The following ZNF804B variants were observed in gnomAD, a reference collection of about 807,000 sequenced individuals.
ZNF804B encodes zinc finger 804B.
ZNF804B carries 80 observed loss-of-function variants against 101.4 expected under a neutral mutation model. The observed-to-expected ratio is 0.79, with a 90% CI of 0.66 to 0.95. ZNF804B has a LOEUF of 0.95. Among genes scored for constraint, ZNF804B ranks in the 40% least tolerant of loss-of-function variants. The pLI, the probability that ZNF804B is intolerant of heterozygous loss-of-function variation, is 0.00. For synonymous variants in ZNF804B, 622 were observed against 558.8 expected, an observed-to-expected ratio of 1.11 and a Z score of -1.59; for missense variants, 1,673 against 1,561.9, an observed-to-expected ratio of 1.07 and a Z score of -1.20.
intron 1 of ZNF804B, among the ~76,000 whole-genome samples, chr7:88,836,499 A>C (rs1791217343): frequency 6.6e-6 from 1 of 152,052 alleles, no homozygotes; most frequent in Admixed American, 6.6e-5. Context: ...ATTCAGATAG[A>C]GTTCTATTTT....
chr7:88,840,399 G>A (rs758505778), intron 1 of ZNF804B, among the ~76,000 whole-genome samples: 1 of 152,070 alleles, frequency 6.6e-6, no homozygotes, highest in African/African-American at 2.4e-5. Context: ...ACTTCTTTTG[G>A]AAGAGTAACA....
chr7:89,175,813 T>G (rs1352006386), intron 1 of ZNF804B, among the ~76,000 whole-genome samples: 1 of 152,062 alleles, frequency 6.6e-6, no homozygotes, highest in Admixed American at 6.6e-5. Flanking sequence ...CCTAGGTATT[T>G]TATTTTGTTT....
chr7:89,163,431 G>A (rs999625918), intron 1 of ZNF804B, among the ~76,000 whole-genome samples: 5 of 151,962 alleles, frequency 3.3e-5, no homozygotes, highest in Non-Finnish European at 7.4e-5. Context: ...GAAGTAAAGG[G>A]CTTAATTTAT....
At chr7:88,826,958 G>T (rs1036489804) in intron 1 of ZNF804B, among the ~76,000 whole-genome samples, 1 of 152,042 alleles carries the variant, frequency 6.6e-6, no homozygotes, top group African/African-American at 2.4e-5. Flanking sequence ...TAAAACAGTT[G>T]TCCCCATTAT....
At chr7:88,930,609 T>C (rs1311389695) in intron 1 of ZNF804B, among the ~76,000 whole-genome samples, 1 of 151,952 alleles carries the variant, frequency 6.6e-6, no homozygotes, top group African/African-American at 2.4e-5. Flanking sequence ...AAGAGACTTA[T>C]TGGATGTGTA....
intron 1 of ZNF804B, among the ~76,000 whole-genome samples, chr7:88,995,528 C>A (rs1788176468): frequency 6.6e-6 from 1 of 151,998 alleles, no homozygotes; most frequent in African/African-American, 2.4e-5. Context: ...TTGTACATTT[C>A]TTCCCCTAGG....
intron 1 of ZNF804B, among the ~76,000 whole-genome samples, chr7:89,037,953 A>G (rs1006322682): frequency 6.6e-6 from 1 of 152,152 alleles, no homozygotes; most frequent in Non-Finnish European, 1.5e-5. Flanking sequence ...AATGTCTTAC[A>G]GGTTCATTCA....
rs558059845 is a variant in ZNF804B, at chr7:88,930,642, G to A, written c.108+170558G>A. Among the ~76,000 whole-genome samples the A allele has an allele frequency of 2.0e-4, 31 of 151,928 alleles. No homozygotes were observed. The South Asian group carries it at 5.6e-3, about 27-fold the overall frequency. On this transcript the variant is annotated intron_variant, in intron 1 of 3. Transcript: ENST00000333190. ...GTATGCATGAGTGAATTAAGACATCGTGTTTTGTGGTAGTTGATAAGAAAG... is the reference window on the plus strand; with the variant it reads ...GTATGCATGAGTGAATTAAGACATCATGTTTTGTGGTAGTTGATAAGAAAG...
intron 1 of ZNF804B, among the ~76,000 whole-genome samples, chr7:88,878,204 A>G (rs935165723): frequency 2.6e-5 from 4 of 152,148 alleles, no homozygotes; most frequent in Non-Finnish European, 4.4e-5. Flanking sequence ...CTATAATCCC[A>G]TTGGTACCTT....
intron 1 of ZNF804B, among the ~76,000 whole-genome samples, chr7:88,893,561 C>T (rs951186352): frequency 6.6e-6 from 1 of 151,940 alleles, no homozygotes; most frequent in Non-Finnish European, 1.5e-5. Context: ...GTAAATTATA[C>T]TAAAGCTTAT....
chr7:89,223,397 A>G (rs1392516586), intron 2 of ZNF804B, among the ~76,000 whole-genome samples: 1 of 151,836 alleles, frequency 6.6e-6, no homozygotes, highest in Non-Finnish European at 1.5e-5. Flanking sequence ...TTAATAAGTA[A>G]TTTCTGAAGC....
intron 1 of ZNF804B, among the ~76,000 whole-genome samples, chr7:89,198,459 A>G (rs34806268): frequency 0.12 from 18,559 of 151,968 alleles, 1,222 homozygotes; most frequent in Middle Eastern, 0.25. Flanking sequence ...TGAAAGCATT[A>G]TAGAATCAAT....
chr7:88,836,053 C>T (rs1238871373), intron 1 of ZNF804B, among the ~76,000 whole-genome samples: 2 of 151,816 alleles, frequency 1.3e-5, no homozygotes, highest in Non-Finnish European at 1.5e-5. Flanking sequence ...ATATGATAAC[C>T]ACTTAGAAAG....
chr7:89,061,867 T>C (rs1481228273), intron 1 of ZNF804B, among the ~76,000 whole-genome samples: 1 of 152,102 alleles, frequency 6.6e-6, no homozygotes, highest in Non-Finnish European at 1.5e-5. Flanking sequence ...ATTAACTTTA[T>C]CTTCTCGTCT....
intron 1 of ZNF804B, among the ~76,000 whole-genome samples, chr7:89,184,080 T>C (rs1788339682): frequency 6.6e-6 from 1 of 152,124 alleles, no homozygotes; most frequent in Non-Finnish European, 1.5e-5. Flanking sequence ...TAAATCAGAA[T>C]AGAATGATGG....
At chr7:89,273,901 A>G (rs1404957205) in intron 2 of ZNF804B, among the ~76,000 whole-genome samples, 1 of 148,930 alleles carries the variant, frequency 6.7e-6, no homozygotes, top group African/African-American at 2.5e-5. Context: ...TGCATCAATA[A>G]TGTTACACAT....
intron 1 of ZNF804B, among the ~76,000 whole-genome samples, chr7:88,856,218 T>C (rs1191393933): frequency 9.9e-5 from 15 of 152,220 alleles, no homozygotes; most frequent in Admixed American, 8.5e-4. Flanking sequence ...TTTCACGATA[T>C]TGATTCTTCC....
chr7:89,221,747 T>TTCTAG, intron 2 of ZNF804B, among the ~76,000 whole-genome samples: 1 of 140,890 alleles, frequency 7.1e-6, no homozygotes, highest in African/African-American at 2.7e-5. Context: ...TTCTATTCTA[T>TTCTAG]TCTATCTATA....
At chr7:89,044,292 C>T (rs1403965495) in intron 1 of ZNF804B, among the ~76,000 whole-genome samples, 3 of 152,198 alleles carry the variant, frequency 2.0e-5, no homozygotes, top group African/African-American at 7.2e-5. Context: ...TTTCCTGAGG[C>T]CTTCCCAGCC....
Sources: gnomAD v4.1 joint callset for allele counts (sites outside exome capture counted in the v4.1 genomes callset) on GRCh38, gnomAD v4.1.1 for gene constraint, MANE v1.5 for transcripts, NCBI Gene and HGNC (gene_info 2026-07-23, HGNC 2026-07-21) for gene names.